Variants in TRPM3 observed in about 807,000 individuals in gnomAD.
TRPM3 encodes the protein transient receptor potential cation channel subfamily M member 3.
TRPM3 carries 77 observed loss-of-function variants against 181.2 expected under a neutral mutation model. That is an observed-to-expected ratio of 0.42 (90% CI 0.35 to 0.51). TRPM3 has a LOEUF of 0.51. TRPM3 is among the 20% of genes least tolerant of loss of function. The pLI, the probability that TRPM3 is intolerant of heterozygous loss-of-function variation, is 0.01. For synonymous variants in TRPM3, 745 were observed against 796.4 expected (o/e 0.94, Z 1.09); for missense variants, 1,759 against 2,196.7 (o/e 0.80, Z 3.98).
intron 1 of TRPM3, among the ~76,000 whole-genome samples, chr9:71,427,527 G>A (rs908861125): frequency 1.3e-5 from 2 of 151,998 alleles, no homozygotes; most frequent in Non-Finnish European, 2.9e-5. Context: ...CATCAACAGT[G>A]GACTGCATAA....
In TRPM3 at chr9:70,784,155, T is replaced by A. The variant is rs753126823; in HGVS notation, c.1098A>T (p.Gly366=). ...CAAAGGCCAGGATGTCCGATGCCCG[T>A]CCACTCCCATCACAGACAACCACTG... is the stretch of plus-strand genomic sequence containing the variant. ...PVPVVVCDGS[G]RASDILAFGH... is the part of the protein sequence containing the mutation. The change falls in exon 7 of 26, where the codon GGA becomes GGT. Residue 366 remains glycine (G), a synonymous_variant. Coordinates refer to ENST00000677713, the MANE Select transcript of TRPM3 (RefSeq NM_001366145.2). The A allele has an allele frequency of 1.2e-6, 2 of 1,613,714 alleles. No homozygotes were observed. Among genetic ancestry groups the A allele is most frequent in the Non-Finnish European group, 1.7e-6 (2 of 1,179,794 alleles).
intron 1 of TRPM3, among the ~76,000 whole-genome samples, chr9:70,981,830 A>C (rs1481827019): frequency 1.3e-5 from 2 of 152,194 alleles, no homozygotes; most frequent in Non-Finnish European, 2.9e-5. Context: ...TCAAGAAAGC[A>C]ATAGAAAAAA....
At chr9:71,003,614 T>C (rs796866193) in intron 1 of TRPM3, among the ~76,000 whole-genome samples, 10 of 152,320 alleles carry the variant, frequency 6.6e-5, no homozygotes, top group African/African-American at 1.7e-4. Flanking sequence ...TGTTGATCTT[T>C]TGAATTTTTA....
Position 70,535,640 on chromosome 9 carries a change from C to G in TRPM3, c.*313G>C. On this transcript the variant is annotated 3_prime_UTR_variant, in exon 26 of 26. Coordinates refer to ENST00000677713, the MANE Select transcript of TRPM3 (RefSeq NM_001366145.2). ...AGCGTGCTCGAAGCCCCTTGTTTCC[C>G]CTGCTCTCATGGCTTTCTGCTGTGA... 2 of 1,449,666 alleles carry G rather than the reference C, an allele frequency of 1.4e-6. No homozygotes were observed. Among genetic ancestry groups the G allele is most frequent in the Non-Finnish European group, 1.8e-6 (2 of 1,109,170 alleles). 89.8% of individuals were successfully genotyped at this position (1,449,666 alleles called of 1,614,324 possible).
intron 1 of TRPM3, among the ~76,000 whole-genome samples, chr9:71,065,619 A>G (rs2061823074): frequency 6.6e-6 from 1 of 152,222 alleles, no homozygotes; most frequent in Non-Finnish European, 1.5e-5. Flanking sequence ...ATTGATGATT[A>G]CAGCAAAACA....
At chr9:70,754,349 T>C (rs914390966) in intron 8 of TRPM3, among the ~76,000 whole-genome samples, 2 of 152,198 alleles carry the variant, frequency 1.3e-5, no homozygotes, top group African/African-American at 2.4e-5. Flanking sequence ...ATGTTGCAGA[T>C]AGTCTTTATC....
intron 1 of TRPM3, among the ~76,000 whole-genome samples, chr9:71,041,161 A>G (rs6560173): frequency 0.24 from 35,988 of 151,944 alleles, 4,740 homozygotes; most frequent in African/African-American, 0.36. Flanking sequence ...GAGGTATACT[A>G]TGTCTGAAAC....
chr9:70,590,940 A>G, intron 22 of TRPM3, 91 bp downstream of exon 22: 2 of 1,553,696 alleles, frequency 1.3e-6, no homozygotes, highest in Non-Finnish European at 1.8e-6. Context: ...TGAGCCATTT[A>G]TTGAGAACAA....
chr9:71,239,988 C>A (rs1308573087), intron 1 of TRPM3, among the ~76,000 whole-genome samples: 1 of 152,072 alleles, frequency 6.6e-6, no homozygotes, highest in Non-Finnish European at 1.5e-5. Context: ...ATTAGGGCAG[C>A]CTGTGGAATT....
chr9:71,303,623 G>GGACA (rs138041900), intron 1 of TRPM3, among the ~76,000 whole-genome samples: 322 of 152,228 alleles, frequency 2.1e-3, no homozygotes, highest in African/African-American at 7.5e-3. Flanking sequence ...GCTCCCTGAG[G>GGACA]GACAGAGGAG....
intron 8 of TRPM3, among the ~76,000 whole-genome samples, chr9:70,693,187 T>C (rs533760294): frequency 3.1e-4 from 47 of 152,360 alleles, no homozygotes; most frequent in Non-Finnish European, 5.6e-4. Context: ...TTCCTGGCAA[T>C]TGATGTTACC....
At chr9:70,645,878 T>G (rs542765825) in intron 9 of TRPM3, among the ~76,000 whole-genome samples, 12 of 152,154 alleles carry the variant, frequency 7.9e-5, no homozygotes, top group African/African-American at 2.7e-4. Context: ...CTTAAACAAA[T>G]TTACAAGAAA....
At chr9:70,887,054 AC>A (rs1256130898) in intron 1 of TRPM3, among the ~76,000 whole-genome samples, 1 of 152,206 alleles carries the variant, frequency 6.6e-6, no homozygotes, top group African/African-American at 2.4e-5. Flanking sequence ...ACATTCTTCT[AC>A]ATTAAAATCT....
chr9:71,353,172 A>G (rs989406472), intron 1 of TRPM3, among the ~76,000 whole-genome samples: 1 of 151,732 alleles, frequency 6.6e-6, no homozygotes, highest in African/African-American at 2.4e-5. Context: ...CTCCTTCTCC[A>G]ATGCACCACC....
chr9:71,137,871 C>A (rs1478448993), intron 1 of TRPM3, among the ~76,000 whole-genome samples: 1 of 152,178 alleles, frequency 6.6e-6, no homozygotes, highest in East Asian at 1.9e-4. Flanking sequence ...AATCCCAGCA[C>A]TTCTGGAGGC....
chr9:70,967,392 GTT>G (rs34568239), intron 1 of TRPM3, among the ~76,000 whole-genome samples: 1 of 151,122 alleles, frequency 6.6e-6, no homozygotes, highest in Non-Finnish European at 1.5e-5. Flanking sequence ...CTCTAAATAT[GTT>G]TTTTTTTAAA....
intron 1 of TRPM3, among the ~76,000 whole-genome samples, chr9:71,432,017 C>A (rs568476335): frequency 6.6e-6 from 1 of 152,244 alleles, no homozygotes; most frequent in South Asian, 2.1e-4. Context: ...GAAGGAGATC[C>A]TAAACCAAAG....
At chr9:71,212,197 G>A (rs1240047530) in intron 1 of TRPM3, among the ~76,000 whole-genome samples, 1 of 152,134 alleles carries the variant, frequency 6.6e-6, no homozygotes, top group Non-Finnish European at 1.5e-5. Context: ...GCTCACAGCA[G>A]CCTCAACCTC....
At chr9:70,884,676 G>A (rs2096058525) in intron 1 of TRPM3, among the ~76,000 whole-genome samples, 1 of 152,174 alleles carries the variant, frequency 6.6e-6, no homozygotes, top group Admixed American at 6.5e-5. Context: ...TCCTAAATGT[G>A]TTTGGTTCAT....
Sources: gnomAD v4.1 joint callset for allele counts (sites outside exome capture counted in the v4.1 genomes callset) on GRCh38, gnomAD v4.1.1 for gene constraint, MANE v1.5 for transcripts, NCBI Gene and HGNC (gene_info 2026-07-23, HGNC 2026-07-21) for gene names.